Variants in WDR47 observed in about 807,000 individuals in gnomAD.
WDR47 encodes the protein WD repeat domain 47.
WDR47 carries 32 observed loss-of-function variants against 97.2 expected under a neutral mutation model. The ratio of observed to expected loss-of-function variants is 0.33; its 90% CI spans 0.25 to 0.44. WDR47 has a LOEUF of 0.44. WDR47 is among the 20% of genes least tolerant of loss of function. The pLI, the probability that WDR47 is intolerant of heterozygous loss-of-function variation, is 1.00. For synonymous variants in WDR47, 375 were observed against 373.5 expected, an observed-to-expected ratio of 1.00 and a Z score of -0.05; for missense variants, 782 against 1,102.3, an observed-to-expected ratio of 0.71 and a Z score of 4.11.
chr1:109,002,912 G>C (rs1253418705), intron 6 of WDR47, among the ~76,000 whole-genome samples: 1 of 152,004 alleles, frequency 6.6e-6, no homozygotes, highest in African/African-American at 2.4e-5. Context: ...AGTCTCTATG[G>C]AAAAAAACAG....
intron 2 of WDR47, among the ~76,000 whole-genome samples, chr1:109,018,632 T>C (rs1462241058): frequency 1.3e-5 from 2 of 151,962 alleles, no homozygotes; most frequent in Non-Finnish European, 1.5e-5. Context: ...CTGGGAAACA[T>C]GGCGAAACCC....
intron 7 of WDR47, among the ~76,000 whole-genome samples, chr1:108,997,547 G>A (rs1210491091): frequency 6.6e-6 from 1 of 151,894 alleles, no homozygotes; most frequent in Non-Finnish European, 1.5e-5. Flanking sequence ...ACGAGGTCAG[G>A]AGATCGAGAC....
chr1:108,984,766 T>G (rs934728612), intron 10 of WDR47, among the ~76,000 whole-genome samples: 1 of 152,086 alleles, frequency 6.6e-6, no homozygotes, highest in Non-Finnish European at 1.5e-5. Flanking sequence ...TAGTCCCAGC[T>G]ACTCAGGAGG....
chr1:109,033,866 C>A (rs1662763089), intron 1 of WDR47, among the ~76,000 whole-genome samples: 1 of 152,106 alleles, frequency 6.6e-6, no homozygotes, highest in Non-Finnish European at 1.5e-5. Flanking sequence ...TTGCAGTGAG[C>A]CGAGATCCGT....
chr1:109,008,958 G>A (rs894156611), intron 5 of WDR47, among the ~76,000 whole-genome samples: 35 of 151,894 alleles, frequency 2.3e-4, no homozygotes, highest in Non-Finnish European at 5.0e-4. Flanking sequence ...AGTGGCGCAC[G>A]CCTGTAATCC....
intron 1 of WDR47, among the ~76,000 whole-genome samples, chr1:109,029,005 A>G (rs1662424843): frequency 6.6e-6 from 1 of 152,174 alleles, no homozygotes; most frequent in Non-Finnish European, 1.5e-5. Flanking sequence ...AGGTAAAGAA[A>G]TAAGAGTGTT....
At chr1:109,037,626 C>CAAAA (rs1334177386) in intron 1 of WDR47, among the ~76,000 whole-genome samples, 3 of 61,422 alleles carry the variant, frequency 4.9e-5, no homozygotes, top group South Asian at 5.5e-4. Flanking sequence ...GACCTCGTCT[C>CAAAA]AAAAAAAAAA....
chr1:109,039,851 C>T (rs893845960), intron 1 of WDR47, among the ~76,000 whole-genome samples: 15 of 151,910 alleles, frequency 9.9e-5, no homozygotes, highest in Non-Finnish European at 4.4e-5. Context: ...GCCTAGCCAA[C>T]ATGGTGAAAC....
In WDR47 at chr1:109,011,570, G is replaced by A; in HGVS notation, c.476C>T (p.Thr159Ile). The change falls in exon 5 of 15, where the codon ACC becomes ATC. Residue 159 changes from threonine (T) to isoleucine (I), a missense_variant. By Grantham distance (89) the Thr-to-Ile change is moderately conservative. Transcript: ENST00000369962. Reference protein sequence around the residue: ...HAEFKDWNPSTARVHCFEEAC... With the variant: ...HAEFKDWNPSIARVHCFEEAC... ...CTCTTCAAAACAGTGAACTCGTGCG[G>A]TGCTGGGATTCCAGTCCTTAAACTC... is the stretch of plus-strand genomic sequence containing the variant. The A allele has an allele frequency of 6.2e-7, 1 of 1,614,192 alleles. No individual in the cohort carries two copies.
intron 12 of WDR47, 72 bp from the exon 13 acceptor site, chr1:108,981,936 T>C: frequency 1.3e-6 from 2 of 1,513,982 alleles, no homozygotes; most frequent in South Asian, 1.2e-5. Context: ...AGCTAAGCAC[T>C]CTAGAGTTGG....
intron 1 of WDR47, among the ~76,000 whole-genome samples, chr1:109,025,309 T>C (rs1662129511): frequency 6.6e-6 from 1 of 151,510 alleles, no homozygotes; most frequent in South Asian, 2.1e-4. Flanking sequence ...TGTGTGCCTG[T>C]AGTTCCAGTT....
At chr1:108,999,849 A>C (rs1571188717) in intron 7 of WDR47, among the ~76,000 whole-genome samples, 1 of 152,148 alleles carries the variant, frequency 6.6e-6, no homozygotes, top group African/African-American at 2.4e-5. Flanking sequence ...ATCTGCTCTC[A>C]CTGCAAAATA....
At chr1:109,040,481 C>T (rs888006606) in intron 1 of WDR47, among the ~76,000 whole-genome samples, 1 of 151,250 alleles carries the variant, frequency 6.6e-6, no homozygotes, top group South Asian at 2.1e-4. Flanking sequence ...AGGAAGTGGA[C>T]CAGTGGGAGA....
At chr1:109,034,514 C>T (rs1662803354) in intron 1 of WDR47, among the ~76,000 whole-genome samples, 1 of 152,106 alleles carries the variant, frequency 6.6e-6, no homozygotes. Context: ...AATACTGATC[C>T]ACAGCCTGTT....
chr1:109,006,300 G>A (rs1321419701), intron 5 of WDR47, among the ~76,000 whole-genome samples: 19 of 152,196 alleles, frequency 1.2e-4, no homozygotes, highest in African/African-American at 4.3e-4. Context: ...GGCTGAGGCA[G>A]GAGAATCACT....
At chr1:109,032,066 C>T (rs1215520738) in intron 1 of WDR47, among the ~76,000 whole-genome samples, 1 of 138,540 alleles carries the variant, frequency 7.2e-6, no homozygotes, top group East Asian at 2.1e-4. Flanking sequence ...TCCTAAAGTG[C>T]TGAGAACGCA....
chr1:109,025,361 G>C (rs1662133381), intron 1 of WDR47, among the ~76,000 whole-genome samples: 1 of 147,948 alleles, frequency 6.8e-6, no homozygotes, highest in Non-Finnish European at 1.5e-5. Flanking sequence ...AGCCCCAGAA[G>C]TTGAGGCTAC....
chr1:109,034,762 A>C (rs1412162755), intron 1 of WDR47, among the ~76,000 whole-genome samples: 3 of 152,158 alleles, frequency 2.0e-5, no homozygotes, highest in Non-Finnish European at 4.4e-5. Flanking sequence ...CAGTAAACCA[A>C]CCAGTACCTG....
At chr1:108,971,747 A>G (rs1245554494) in intron 14 of WDR47, among the ~76,000 whole-genome samples, 175 bp from the exon 15 acceptor site, 1 of 152,188 alleles carries the variant, frequency 6.6e-6, no homozygotes, top group East Asian at 1.9e-4. Context: ...TGCTATTAGT[A>G]TTTGCTAACA....
Sources: gnomAD v4.1 joint callset for allele counts (sites outside exome capture counted in the v4.1 genomes callset) on GRCh38, gnomAD v4.1.1 for gene constraint, MANE v1.5 for transcripts, NCBI Gene and HGNC (gene_info 2026-07-23, HGNC 2026-07-21) for gene names.